Variants in ROBO2 observed in about 807,000 individuals in gnomAD.
ROBO2 encodes the protein roundabout homolog 2.
ROBO2 carries 53 observed loss-of-function variants against 160.8 expected under a neutral mutation model. That is an observed-to-expected ratio of 0.33 (90% CI 0.26 to 0.41). The LOEUF is 0.41. Among genes scored for constraint, ROBO2 ranks in the 10% least tolerant of loss-of-function variants. The pLI is 1.00. For missense variants in ROBO2, 1,577 were observed against 1,722.4 expected (o/e 0.92, Z 1.49); for synonymous variants, 664 against 611.7 (o/e 1.09, Z -1.26).
chr3:76,884,222 T>C (rs1232430626), intron 2 of ROBO2, among the ~76,000 whole-genome samples: 1 of 152,176 alleles, frequency 6.6e-6, no homozygotes, highest in Non-Finnish European at 1.5e-5. Flanking sequence ...AAATATCCCC[T>C]TTTTCAGTTA....
chr3:77,295,180 C>T (rs1299532378), intron 2 of ROBO2, among the ~76,000 whole-genome samples: 1 of 147,866 alleles, frequency 6.8e-6, no homozygotes, highest in Non-Finnish European at 1.5e-5. Flanking sequence ...GAGGCTAGAT[C>T]ACTAAAGACA....
chr3:77,105,292 T>A (rs573691658), intron 2 of ROBO2, among the ~76,000 whole-genome samples: 1 of 152,340 alleles, frequency 6.6e-6, no homozygotes, highest in Non-Finnish European at 1.5e-5. Context: ...TGAGTTGGAC[T>A]GGAACTAATA....
In ROBO2 at chr3:76,330,931, A is replaced by G. The variant is rs557380303; in HGVS notation, c.109+393329A>G. 2.0e-5 allele frequency among the ~76,000 whole-genome samples: 3 copies of G among 152,322 alleles called. No homozygotes were observed. In the South Asian group the frequency reaches 6.2e-4, roughly 32 times the overall value. On this transcript the variant is annotated intron_variant, in intron 2 of 26. Transcript: ENST00000487694. ...TCATCTGCTGTGGTATTCCCATAAG[A>G]AATGTTCATTGCTAGACAGTGCTAA...
At chr3:76,392,840 A>G (rs1174793938) in intron 2 of ROBO2, among the ~76,000 whole-genome samples, 1 of 152,208 alleles carries the variant, frequency 6.6e-6, no homozygotes, top group African/African-American at 2.4e-5. Context: ...TCATCTTCAC[A>G]ACAATTTGTC....
intron 2 of ROBO2, among the ~76,000 whole-genome samples, chr3:76,148,513 A>T (rs571532238): frequency 6.6e-6 from 1 of 151,962 alleles, no homozygotes; most frequent in Admixed American, 6.6e-5. Context: ...GCTCCCTTTT[A>T]TAGCAAAATT....
intron 2 of ROBO2, among the ~76,000 whole-genome samples, chr3:76,247,289 A>T (rs1705678876): frequency 1.3e-5 from 2 of 152,224 alleles, no homozygotes; most frequent in African/African-American, 2.4e-5. Context: ...CCAATCAAAA[A>T]GTCTCCATGG....
chr3:77,508,306 T>C (rs1014857030), intron 5 of ROBO2, among the ~76,000 whole-genome samples: 4 of 148,266 alleles, frequency 2.7e-5, no homozygotes, highest in Non-Finnish European at 6.0e-5. Flanking sequence ...TTAAAATATA[T>C]AGTAAAATCT....
At chr3:76,476,395 G>A (rs4645140) in intron 2 of ROBO2, among the ~76,000 whole-genome samples, 59,042 of 151,838 alleles carry the variant, frequency 0.39, 12,367 homozygotes, top group East Asian at 0.6. Flanking sequence ...TGGCAGCTGA[G>A]GGGTAGAATG....
chr3:76,652,315 T>A (rs1403373497), intron 2 of ROBO2, among the ~76,000 whole-genome samples: 1 of 152,226 alleles, frequency 6.6e-6, no homozygotes, highest in African/African-American at 2.4e-5. Flanking sequence ...AAGTACTTTA[T>A]GTGCATTGTT....
At chr3:76,955,269 T>C (rs550427597) in intron 2 of ROBO2, among the ~76,000 whole-genome samples, 1 of 152,346 alleles carries the variant, frequency 6.6e-6, no homozygotes, top group South Asian at 2.1e-4. Flanking sequence ...TATCCACTCA[T>C]GGCTTGAGTT....
intron 2 of ROBO2, among the ~76,000 whole-genome samples, chr3:76,479,738 C>A (rs532172792): frequency 6.6e-6 from 1 of 152,294 alleles, no homozygotes; most frequent in South Asian, 2.1e-4. Context: ...TCTCATCCAA[C>A]TACTTGCTGA....
intron 2 of ROBO2, among the ~76,000 whole-genome samples, chr3:76,670,933 C>G (rs1294446686): frequency 7.0e-6 from 1 of 143,738 alleles, no homozygotes; most frequent in Non-Finnish European, 1.5e-5. Flanking sequence ...GATGAACTTA[C>G]TTTTTTTTTT....
chr3:75,942,920 C>A (rs1948120949), intron 2 of ROBO2, among the ~76,000 whole-genome samples: 1 of 152,054 alleles, frequency 6.6e-6, no homozygotes, highest in South Asian at 2.1e-4. Context: ...AGTTAGCAAG[C>A]CTTTTTATGC....
At chr3:77,439,658 T>C (rs2079704590) in intron 2 of ROBO2, among the ~76,000 whole-genome samples, 1 of 152,014 alleles carries the variant, frequency 6.6e-6, no homozygotes. Flanking sequence ...TAACCATTAG[T>C]ATTAAGGAGT....
At chr3:77,347,487 A>G (rs1418430800) in intron 2 of ROBO2, among the ~76,000 whole-genome samples, 4 of 151,982 alleles carry the variant, frequency 2.6e-5, no homozygotes, top group Admixed American at 2.6e-4. Context: ...CCAGAAAAAA[A>G]TAGAAGAATC....
At chr3:76,300,460 A>G (rs1709297929) in intron 2 of ROBO2, among the ~76,000 whole-genome samples, 1 of 151,960 alleles carries the variant, frequency 6.6e-6, no homozygotes, top group Admixed American at 6.6e-5. Context: ...TGTCTTCTGG[A>G]TGGAATAGTA....
At chr3:77,427,318 A>G (rs2078307873) in intron 2 of ROBO2, among the ~76,000 whole-genome samples, 1 of 152,242 alleles carries the variant, frequency 6.6e-6, no homozygotes, top group African/African-American at 2.4e-5. Flanking sequence ...ATGATGTGCT[A>G]GTCAGTGTTG....
chr3:76,936,907 A>G (rs1318494394), intron 2 of ROBO2, among the ~76,000 whole-genome samples: 4 of 151,948 alleles, frequency 2.6e-5, no homozygotes, highest in African/African-American at 7.3e-5. Context: ...GTTGTTGGAA[A>G]CATTATTCCT....
intron 2 of ROBO2, among the ~76,000 whole-genome samples, chr3:76,845,294 G>A (rs1471950605): frequency 1.3e-5 from 2 of 151,908 alleles, no homozygotes; most frequent in African/African-American, 4.8e-5. Context: ...CGTTTAAATT[G>A]TAAATCCTTC....
Sources: allele counts gnomAD v4.1 joint callset (sites outside exome capture counted in the v4.1 genomes callset), GRCh38; gene constraint gnomAD v4.1.1; transcripts MANE v1.5; gene names NCBI Gene and HGNC (gene_info 2026-07-23, HGNC 2026-07-21).